TUB: variants seen among roughly 807,000 people sequenced by gnomAD.
The protein encoded by TUB is tubby protein homolog.
TUB carries 33 observed loss-of-function variants against 59.7 expected under a neutral mutation model. The ratio of observed to expected loss-of-function variants is 0.55; its 90% CI spans 0.42 to 0.74. The LOEUF is 0.74. Among genes scored for constraint, TUB ranks in the 30% least tolerant of loss-of-function variants. The pLI is 0.00. For missense variants in TUB, 659 were observed against 672.0 expected (o/e 0.98, Z 0.21); for synonymous variants, 293 against 256.4 (o/e 1.14, Z -1.36).
In TUB at chr11:8,103,759, C is replaced by T. The variant is rs1430434093; in HGVS notation, c.*2140C>T. ...ACATTTGAGATGATGGAAACTAGATCGTCTCTAATGTTAGGTCAAGCTATT... is the reference window on the plus strand; with the variant it reads ...ACATTTGAGATGATGGAAACTAGATTGTCTCTAATGTTAGGTCAAGCTATT... On this transcript the variant is annotated 3_prime_UTR_variant, in exon 12 of 12. Coordinates refer to ENST00000299506, the MANE Select transcript of TUB (RefSeq NM_177972.3). 2 of 152,618 alleles carry T rather than the reference C, an allele frequency of 1.3e-5. No homozygotes were observed. Among genetic ancestry groups the T allele is most frequent in the African/African-American group, 2.4e-5 (1 of 41,450 alleles). 9.5% of individuals were successfully genotyped at this position (152,618 alleles called of 1,614,324 possible). A position where few individuals can be genotyped will look rare whatever the true frequency, so the allele number is the denominator to read the frequency against.
chr11:8,020,591 A>T (rs1474456383), intron 1 of TUB, among the ~76,000 whole-genome samples: 2 of 152,180 alleles, frequency 1.3e-5, no homozygotes, highest in African/African-American at 2.4e-5. Context: ...GATGGGCGCA[A>T]CTGATCCACG....
intron 2 of TUB, among the ~76,000 whole-genome samples, chr11:8,056,703 CTG>C (rs1163002540): frequency 1.3e-5 from 2 of 151,880 alleles, no homozygotes; most frequent in Admixed American, 6.6e-5. Context: ...TGTGGAGTGT[CTG>C]AGGTGATGTG....
chr11:8,039,330 C>T (rs1942703726), intron 1 of TUB, among the ~76,000 whole-genome samples: 1 of 152,212 alleles, frequency 6.6e-6, no homozygotes, highest in Non-Finnish European at 1.5e-5. Flanking sequence ...CACTCCGGCC[C>T]TCTGCCTCTT....
At chr11:8,098,710 C>A in intron 8 of TUB, 48 bp from the exon 9 acceptor site, 1 of 1,422,638 alleles carries the variant, frequency 7.0e-7, no homozygotes, top group Non-Finnish European at 9.9e-7. Context: ...GTTCCCTGCT[C>A]TGGGGCAGAG....
chr11:8,101,435 T>C (rs1944298575), intron 11 of TUB, 51 bp from the exon 12 acceptor site: 3 of 1,608,952 alleles, frequency 1.9e-6, no homozygotes, highest in Non-Finnish European at 2.5e-6. Context: ...TCCCTGGCTC[T>C]ACCATTCCTG....
chr11:8,099,421 A>T (rs1179131877), intron 9 of TUB, among the ~76,000 whole-genome samples: 1 of 152,138 alleles, frequency 6.6e-6, no homozygotes, highest in Non-Finnish European at 1.5e-5. Context: ...TATCTCATCA[A>T]CCTGGGCATG....
Position 8,097,219 on chromosome 11 carries a change from T to A in TUB, c.688-9T>A, listed in dbSNP as rs576105026. On this transcript the variant is annotated splice_polypyrimidine_tract_variant and intron_variant, in intron 6 of 11. Transcript: ENST00000299506. ...TTGGGGCTCAGGCACCTATTCTGCATCCCCATAGGAGGCAGCCTCAGCCCC... is the reference window on the plus strand; with the variant it reads ...TTGGGGCTCAGGCACCTATTCTGCAACCCCATAGGAGGCAGCCTCAGCCCC... The A allele has an allele frequency of 5.6e-5, 91 of 1,613,782 alleles. 1 individual carries two copies. The East Asian group carries it at 1.3e-3, about 23-fold the overall frequency.
In TUB at chr11:8,103,110, G is replaced by A. The variant is rs1385630731; in HGVS notation, c.*1491G>A. 2.0e-5 allele frequency: 3 copies of A among 152,256 alleles called. No individual in the cohort carries two copies. Among genetic ancestry groups the A allele is most frequent in the African/African-American group, 7.2e-5 (3 of 41,458 alleles). 9.4% of individuals were successfully genotyped at this position (152,256 alleles called of 1,614,324 possible). On this transcript the variant is annotated 3_prime_UTR_variant, in exon 12 of 12. Transcript: ENST00000299506. ...CTCCGCGAGGGCTACTCAGCAGTAAGCAGGCCTTAGTACGGCTGCTGCACA... is the reference window on the plus strand; with the variant it reads ...CTCCGCGAGGGCTACTCAGCAGTAAACAGGCCTTAGTACGGCTGCTGCACA...
chr11:8,052,139 T>C (rs746590712), intron 2 of TUB, among the ~76,000 whole-genome samples: 1 of 152,238 alleles, frequency 6.6e-6, no homozygotes, highest in Non-Finnish European at 1.5e-5. Context: ...CCTCATTCTT[T>C]TACGGTTACA....
chr11:8,081,410 G>T lies in TUB; in HGVS notation c.-101G>T, dbSNP rs1321443595. ...GGGGCCCAGCGCCCCGGCCCGGGAG[G>T]ATGCGGCCCGGGGCGGCCCGGGAGC... On this transcript the variant is annotated 5_prime_UTR_variant, in exon 1 of 12. Coordinates refer to ENST00000299506, the MANE Select transcript of TUB (RefSeq NM_177972.3). The T allele has an allele frequency of 8.5e-6, 9 of 1,061,684 alleles. No homozygotes were observed. The highest frequency in any genetic ancestry group is 1.0e-5 in the Non-Finnish European group (9 of 880,464). The allele number at this position is 1,061,684 out of a possible 1,614,324, so 65.8% of individuals were successfully genotyped here. A position where few individuals can be genotyped will look rare whatever the true frequency, so the allele number is the denominator to read the frequency against.
chr11:8,058,328 C>T (rs1033073348), intron 2 of TUB, among the ~76,000 whole-genome samples: 1 of 152,098 alleles, frequency 6.6e-6, no homozygotes, highest in Admixed American at 6.5e-5. Flanking sequence ...ACTGCCTTTC[C>T]CTGCGCTTGT....
chr11:8,091,999 C>A (rs1009040973), intron 3 of TUB, among the ~76,000 whole-genome samples: 1 of 152,246 alleles, frequency 6.6e-6, no homozygotes, highest in Non-Finnish European at 1.5e-5. Flanking sequence ...TGGGCCCTGC[C>A]AATTTGTGCC....
In TUB at chr11:8,098,792, G is replaced by A; in HGVS notation, c.1033G>A (p.Asp345Asn). 6.2e-7 allele frequency: 1 copy of A among 1,614,118 alleles called. No homozygotes were observed. The highest frequency in any genetic ancestry group is 8.5e-7 in the Non-Finnish European group (1 of 1,180,018). Residue 345 changes from aspartate to asparagine, a missense_variant, in exon 9 of 12, where the codon GAC becomes AAC. Around this residue, in one of 3 missense-constraint regions of TUB, gnomAD observed 112 missense variants for 156.9 expected, o/e 0.71. Transcript: ENST00000299506. ...GATGGGCACCAAGTTCACTGTTTAT[G>A]ACAATGGAGTCAACCCTCAGAAGGC... ...NLMGTKFTVY[D>N]NGVNPQKASS...
rs200589274 is a variant in TUB, at chr11:8,094,050, A to G, written c.258A>G (p.Gln86=). 2 of 1,614,112 alleles carry G rather than the reference A, an allele frequency of 1.2e-6. No individual in the cohort carries two copies. The highest frequency in any genetic ancestry group is 2.2e-5 in the East Asian group (1 of 44,874). Residue 86 remains glutamine (Q), a synonymous_variant, in exon 4 of 12, where the codon CAA becomes CAG. Transcript: ENST00000299506. ...CTGGGGATGTTTCCTGAGCAGTTCA[A>G]GAGGCCGACTCACTCGCCAGTGTGC... is the stretch of plus-strand genomic sequence containing the variant. ...SSSGSTSYQV[Q]EADSLASVQL...
At chr11:8,084,268 T>C (rs1943625552) in intron 1 of TUB, among the ~76,000 whole-genome samples, 1 of 152,210 alleles carries the variant, frequency 6.6e-6, no homozygotes, top group African/African-American at 2.4e-5. Flanking sequence ...ATAATCTTCT[T>C]ATGGGTAATT....
At position 8,081,536 on chromosome 11, in the gene TUB, G is replaced by A. The variant is rs1311235751; in HGVS notation, c.26G>A (p.Trp9Ter). Residue 9 changes from tryptophan (W) to a stop codon, truncating the protein, a stop_gained, in exon 1 of 12, where the codon TGG (tryptophan) becomes TAG (stop). Transcript: ENST00000299506. LOFTEE classifies it high-confidence loss of function. The part of the protein sequence containing the change: MTSKPHSD[W>*]IPYSVLDDEG... Reference sequence around the variant, plus strand: ...ATGACTTCCAAGCCGCATTCCGACTGGATTCCCTACAGGTACGCGGGCGCC... The same window carrying A: ...ATGACTTCCAAGCCGCATTCCGACTAGATTCCCTACAGGTACGCGGGCGCC... The A allele has an allele frequency of 3.5e-5, 54 of 1,550,272 alleles. No homozygotes were observed. The highest frequency in any genetic ancestry group is 4.7e-5 in the Non-Finnish European group (54 of 1,154,096).
chr11:8,052,581 T>C (rs556570426), intron 2 of TUB, among the ~76,000 whole-genome samples: 3 of 150,606 alleles, frequency 2.0e-5, no homozygotes, highest in Admixed American at 6.6e-5. Flanking sequence ...GCCATTCTCC[T>C]GCCTCAGCCT....
At chr11:8,041,585 T>G (rs1942751142) in intron 2 of TUB, among the ~76,000 whole-genome samples, 1 of 152,184 alleles carries the variant, frequency 6.6e-6, no homozygotes, top group African/African-American at 2.4e-5. Flanking sequence ...GTTCCACCTG[T>G]GAAACCTTAA....
At chr11:8,033,515 G>C (rs1012038868) in intron 1 of TUB, among the ~76,000 whole-genome samples, 1 of 152,196 alleles carries the variant, frequency 6.6e-6, no homozygotes. Flanking sequence ...GACTTCTTCA[G>C]ACTCTGTAGT....
Sources: allele counts gnomAD v4.1 joint callset (sites outside exome capture counted in the v4.1 genomes callset), GRCh38; gene constraint gnomAD v4.1.1; regional missense constraint gnomAD v4.1.1; transcripts MANE v1.5; gene names NCBI Gene and HGNC (gene_info 2026-07-23, HGNC 2026-07-21).